Variants in LZTR1 observed in about 807,000 individuals in gnomAD.
The protein encoded by LZTR1 is leucine zipper like post translational regulator 1.
In LZTR1, 260 loss-of-function variants were observed where a neutral mutation model predicts 105.7. The observed-to-expected ratio is 2.46, with a 90% CI of 2.22 to 2.72. The LOEUF is 2.72. Among genes scored for constraint, LZTR1 ranks in the 30% most tolerant of loss-of-function variants. LZTR1 has a pLI of 0.00. For synonymous variants in LZTR1, 490 were observed against 476.4 expected (o/e 1.03, Z -0.37); for missense variants, 1,214 against 1,166.9 (o/e 1.04, Z -0.59).
At chr22:20,988,719 CACAT>C in intron 5 of LZTR1, 66 bp from the exon 6 acceptor site, 1 of 1,159,762 alleles carries the variant, frequency 8.6e-7, no homozygotes, top group Non-Finnish European at 1.3e-6. Flanking sequence ...CTGCACTGAC[CACAT>C]GGGGCTGGGT....
intron 1 of LZTR1, 82 bp downstream of exon 1, chr22:20,982,653 G>T: frequency 7.2e-7 from 1 of 1,396,224 alleles, no homozygotes; most frequent in East Asian, 2.4e-5. Context: ...CGAAGCCGGG[G>T]GGTGGTGTCC....
At chr22:20,990,906 G>A in intron 8 of LZTR1, 1 of 198,162 alleles carries the variant, frequency 5.0e-6, no homozygotes. Flanking sequence ...GCCCCTGGCT[G>A]CTGGCCAGCC....
In LZTR1 at chr22:20,994,199, G is replaced by A. The variant is rs2147967370; in HGVS notation, c.1545G>A (p.Glu515=). The stretch of plus-strand genomic sequence containing the variant: ...CCCTGCTGCACGTGGCCATCCGGGA[G>A]GCCGAGGCCCGGCCCTTCGAGGTGC... ...RPPLLHVAIR[E]AEARPFEVLM... The change falls in exon 14 of 21, where the codon GAG becomes GAA. Residue 515 remains glutamate, a synonymous_variant. Coordinates refer to ENST00000646124, the MANE Select transcript of LZTR1 (RefSeq NM_006767.4). 5 of 1,603,588 alleles carry A rather than the reference G, an allele frequency of 3.1e-6. No individual in the cohort carries two copies. Among genetic ancestry groups the A allele is most frequent in the Non-Finnish European group, 4.2e-6 (5 of 1,178,766 alleles).
At position 20,996,902 on chromosome 22, in the gene LZTR1, AC is replaced by A; in HGVS notation, c.2343del (p.Asp781GlufsTer8). 6.2e-7 allele frequency: 1 copy of A among 1,612,484 alleles called. No homozygotes were observed. The highest frequency in any genetic ancestry group is 8.5e-7 in the Non-Finnish European group (1 of 1,179,016). Reference protein sequence around the residue: ...QNVLQILEAADKTQALDMKRH... With the variant: ...QNVLQILEAAXKTQALDMKRH... ...CCATTGCAGATCCTGGAGGCAGCTG[AC>A]AAAACGCAGGCACTGGACATGAAGC... On this transcript the variant is annotated frameshift_variant, in exon 20 of 21. Coordinates refer to ENST00000646124, the MANE Select transcript of LZTR1 (RefSeq NM_006767.4). LOFTEE classifies it high-confidence loss of function.
At chr22:20,991,498 C>T (rs1365538417) in intron 8 of LZTR1, 130 bp from the exon 9 acceptor site, 6 of 718,638 alleles carry the variant, frequency 8.3e-6, no homozygotes, top group Admixed American at 2.6e-5. Flanking sequence ...TCTAGGCCCT[C>T]CCTCTGGACC....
chr22:20,993,755 G>A lies in LZTR1; in HGVS notation c.1353+1G>A. 4 of 1,611,888 alleles carry A rather than the reference G, an allele frequency of 2.5e-6. No individual in the cohort carries two copies. Among genetic ancestry groups the A allele is most frequent in the South Asian group, 1.1e-5 (1 of 91,000 alleles). Reference sequence around the variant, plus strand: ...CGACGTGGAGTTCGTGCTGGGTGAGGTGGGTGCCTGTCCTCGCACCCTGCT... The same window carrying A: ...CGACGTGGAGTTCGTGCTGGGTGAGATGGGTGCCTGTCCTCGCACCCTGCT... On this transcript the variant is annotated splice_donor_variant, in intron 12 of 20. Transcript: ENST00000646124. LOFTEE classifies it high-confidence loss of function.
chr22:20,993,742 C>G lies in LZTR1; in HGVS notation c.1341C>G (p.Phe447Leu). The G allele has an allele frequency of 6.2e-7, 1 of 1,613,004 alleles. No homozygotes were observed. Among genetic ancestry groups the G allele is most frequent in the African/African-American group, 1.3e-5 (1 of 75,058 alleles). ...WESRQFCDVEFVLGEKEECVQ... is the reference protein window; with the variant it reads ...WESRQFCDVELVLGEKEECVQ... The stretch of plus-strand genomic sequence containing the variant: ...GCCGCCAGTTCTGCGACGTGGAGTT[C>G]GTGCTGGGTGAGGTGGGTGCCTGTC... The change falls in exon 12 of 21, where the codon TTC becomes TTG. Residue 447 changes from phenylalanine (F) to leucine (L), a missense_variant. Phe to Leu is a conservative substitution (Grantham distance 22, BLOSUM62 0). Transcript: ENST00000646124.
At chr22:20,993,062 G>C (rs1378035640) in intron 11 of LZTR1, among the ~76,000 whole-genome samples, 158 bp downstream of exon 11, 3 of 152,256 alleles carry the variant, frequency 2.0e-5, no homozygotes, top group African/African-American at 7.2e-5. Context: ...CTGAGGGTGG[G>C]CTGAGGTGGC....
At chr22:20,986,064 C>G in intron 3 of LZTR1, 167 bp downstream of exon 3, 1 of 684,834 alleles carries the variant, frequency 1.5e-6, no homozygotes, top group East Asian at 2.7e-5. Context: ...GCCGCCCTGT[C>G]AGGCTGAGGA....
In LZTR1 at chr22:20,987,586, A is replaced by T; in HGVS notation, c.400+3A>T. Reference sequence around the variant, plus strand: ...TGGGAGCAGCATGTTTGTCTTTGGTAAGCAGCCTCTTGCCTCCCAGGGGCT... The same window carrying T: ...TGGGAGCAGCATGTTTGTCTTTGGTTAGCAGCCTCTTGCCTCCCAGGGGCT... On this transcript the variant is annotated splice_donor_region_variant and intron_variant, in intron 4 of 20. Coordinates refer to ENST00000646124, the MANE Select transcript of LZTR1 (RefSeq NM_006767.4). 2.5e-6 allele frequency: 4 copies of T among 1,613,924 alleles called. No individual in the cohort carries two copies. The highest frequency in any genetic ancestry group is 2.5e-6 in the Non-Finnish European group (3 of 1,179,856).
Position 20,997,467 on chromosome 22 carries a change from AGGGTGCCCAGAGCCTCCAAAGAGAG to A in LZTR1, c.*120_*144del. 1 of 784,722 alleles carries A rather than the reference AGGGTGCCCAGAGCCTCCAAAGAGAG, an allele frequency of 1.3e-6. No individual in the cohort carries two copies. Among genetic ancestry groups the A allele is most frequent in the South Asian group, 1.6e-5 (1 of 64,270 alleles). The allele number at this position is 784,722 out of a possible 1,614,324, so 48.6% of individuals were successfully genotyped here. On this transcript the variant is annotated 3_prime_UTR_variant, in exon 21 of 21. Coordinates refer to ENST00000646124, the MANE Select transcript of LZTR1 (RefSeq NM_006767.4). The stretch of plus-strand genomic sequence containing the variant: ...GGGTGCACCTGCCAGGCCAAGGGTC[AGGGTGCCCAGAGCCTCCAAAGAGAG>A]CTGAGGGGATGTGGGGCCCCAAACT...
rs372417941 is a variant in LZTR1, at chr22:20,994,642, G to A, written c.1700G>A (p.Arg567His). The stretch of plus-strand genomic sequence containing the variant: ...TTGTGCCGCCTGGAGCAGCTGTGCC[G>A]CCAGTACATCGAGGCCTCCGTGGAC... Reference protein sequence around the residue: ...FQLCRLEQLCRQYIEASVDLQ... With the variant: ...FQLCRLEQLCHQYIEASVDLQ... Residue 567 changes from arginine to histidine, a missense_variant, in exon 15 of 21, where the codon CGC becomes CAC. Transcript: ENST00000646124. 171 of 1,612,714 alleles carry A rather than the reference G, an allele frequency of 1.1e-4. No homozygotes were observed. Among genetic ancestry groups the A allele is most frequent in the East Asian group, 4.5e-4 (20 of 44,896 alleles).
At chr22:20,984,613 A>G (rs9613462) in intron 2 of LZTR1, among the ~76,000 whole-genome samples, 128,393 of 136,614 alleles carry the variant, frequency 0.94, 60,106 homozygotes, top group Admixed American at 0.95. Context: ...GCAAGTAAGG[A>G]GGGGGGGGGG....
intron 3 of LZTR1, among the ~76,000 whole-genome samples, 183 bp from the exon 4 acceptor site, chr22:20,987,321 G>C (rs1407161091): frequency 2.0e-5 from 3 of 151,338 alleles, no homozygotes; most frequent in South Asian, 2.1e-4. Context: ...TTGAACCCAG[G>C]AGGTGGAGGT....
intron 3 of LZTR1, 188 bp downstream of exon 3, chr22:20,986,085 C>T (rs991232288): frequency 3.2e-6 from 2 of 617,934 alleles, no homozygotes; most frequent in Non-Finnish European, 5.7e-6. Flanking sequence ...GATCAAGTAA[C>T]CACCCCGCAC....
At chr22:20,987,432 G>A in intron 3 of LZTR1, 72 bp from the exon 4 acceptor site, 1 of 834,520 alleles carries the variant, frequency 1.2e-6, no homozygotes, top group Admixed American at 1.9e-5. Flanking sequence ...CAGGGATGCA[G>A]GGCCACCCTG....
chr22:20,987,193 A>G (rs1924417286), intron 3 of LZTR1: 1 of 247,002 alleles, frequency 4.0e-6, no homozygotes, highest in Non-Finnish European at 7.8e-6. Context: ...CAGAACTTCA[A>G]GACCAGCCTG....
chr22:20,983,828 C>G (rs1284941759), intron 2 of LZTR1, among the ~76,000 whole-genome samples: 1 of 152,220 alleles, frequency 6.6e-6, no homozygotes, highest in East Asian at 1.9e-4. Flanking sequence ...AGCCTGTCTT[C>G]CTCCCACTCT....
In LZTR1 at chr22:20,982,388, G is replaced by A. The variant is rs1169396415; in HGVS notation, c.17G>A (p.Ser6Asn). The change falls in exon 1 of 21, where the codon AGC (serine) becomes AAC (asparagine). Residue 6 changes from serine (S) to asparagine (N), a missense_variant. By Grantham distance (46) the Ser-to-Asn change is conservative. Coordinates refer to ENST00000646124, the MANE Select transcript of LZTR1 (RefSeq NM_006767.4). ...GGACCCGGGATGGCTGGACCGGGCAGCACGGGGGGGCAGATCGGGGCTGCG... is the reference window on the plus strand; with the variant it reads ...GGACCCGGGATGGCTGGACCGGGCAACACGGGGGGGCAGATCGGGGCTGCG... MAGPG[S>N]TGGQIGAAAL... 2 of 1,556,944 alleles carry A rather than the reference G, an allele frequency of 1.3e-6. No homozygotes were observed. Among genetic ancestry groups the A allele is most frequent in the Non-Finnish European group, 8.7e-7 (1 of 1,150,112 alleles).
Sources: gnomAD v4.1 joint callset for allele counts (sites outside exome capture counted in the v4.1 genomes callset) on GRCh38, gnomAD v4.1.1 for gene constraint, MANE v1.5 for transcripts, NCBI Gene and HGNC (gene_info 2026-07-23, HGNC 2026-07-21) for gene names.